KMO: variants seen among roughly 807,000 people sequenced by gnomAD.
The protein encoded by KMO is kynurenine 3-monooxygenase.
A neutral mutation model predicts 57.8 loss-of-function variants in KMO; 24 were observed. That is an observed-to-expected ratio of 0.42 (90% CI 0.30 to 0.58). The LOEUF (loss-of-function observed/expected upper bound fraction) is 0.58, where lower values mean the gene tolerates loss of function less well. Among genes scored for constraint, KMO ranks in the 20% least tolerant of loss-of-function variants. KMO has a pLI of 0.22. For synonymous variants in KMO, 210 were observed against 193.6 expected, an observed-to-expected ratio of 1.08 and a Z score of -0.70; for missense variants, 483 against 588.2, an observed-to-expected ratio of 0.82 and a Z score of 1.85.
chr1:241,533,430 T>C (rs1241332263), intron 1 of KMO, among the ~76,000 whole-genome samples: 1 of 152,252 alleles, frequency 6.6e-6, no homozygotes, highest in East Asian at 1.9e-4. Context: ...GTATATGCTG[T>C]CTTTTGTTCT....
At chr1:241,548,491 G>A (rs1479136713) in intron 1 of KMO, among the ~76,000 whole-genome samples, 1 of 151,490 alleles carries the variant, frequency 6.6e-6, no homozygotes, top group Non-Finnish European at 1.5e-5. Context: ...GGTTATAAGG[G>A]ATATAAGGCT....
Position 241,593,307 on chromosome 1 carries a change from T to C in KMO, c.*1154T>C. The C allele has an allele frequency of 2.5e-6, 1 of 404,306 alleles. No homozygotes were observed. Among genetic ancestry groups the C allele is most frequent in the South Asian group, 1.8e-5 (1 of 54,818 alleles). The allele number at this position is 404,306 out of a possible 1,614,324, so 25.0% of individuals were successfully genotyped here. A position where few individuals can be genotyped will look rare whatever the true frequency, so the allele number is the denominator to read the frequency against. ...ACTGCAGCAGAACCAGCAATACACT[T>C]GATTTTTAAAAGCACATTTAGTGAA... On this transcript the variant is annotated 3_prime_UTR_variant, in exon 15 of 15. Coordinates refer to ENST00000366559, the MANE Select transcript of KMO (RefSeq NM_003679.5).
At chr1:241,578,091 C>T (rs1049699898) in intron 10 of KMO, among the ~76,000 whole-genome samples, 21 of 152,164 alleles carry the variant, frequency 1.4e-4, no homozygotes, top group Admixed American at 1.2e-3. Context: ...GGTGCTCCCT[C>T]ATGTGGGGCG....
chr1:241,594,322 G>T lies in KMO; in HGVS notation c.*2169G>T. 3 of 1,263,002 alleles carry T rather than the reference G, an allele frequency of 2.4e-6. No homozygotes were observed. The highest frequency in any genetic ancestry group is 2.2e-6 in the Non-Finnish European group (2 of 906,046). The allele number at this position is 1,263,002 out of a possible 1,614,324, so 78.2% of individuals were successfully genotyped here. A position where few individuals can be genotyped will look rare whatever the true frequency, so the allele number is the denominator to read the frequency against. On this transcript the variant is annotated 3_prime_UTR_variant, in exon 15 of 15. Transcript: ENST00000366559. ...TTCGGATTTCCTGCTGGACCACAAG[G>T]TTCTGTTGATATTACATAGAACGGG...
At chr1:241,559,443 A>T (rs1296310147) in intron 5 of KMO, among the ~76,000 whole-genome samples, 1 of 11,632 alleles carries the variant, frequency 8.6e-5, no homozygotes, top group Non-Finnish European at 1.5e-4. Context: ...AAAAATAAAC[A>T]TAATTTTTTA....
chr1:241,585,721 T>C (rs190557858), intron 10 of KMO, among the ~76,000 whole-genome samples: 1 of 145,582 alleles, frequency 6.9e-6, no homozygotes, highest in Non-Finnish European at 1.5e-5. Context: ...TGTGCTGCAC[T>C]CCAACCTGAA....
At chr1:241,540,219 G>C (rs1237043760) in intron 1 of KMO, among the ~76,000 whole-genome samples, 2 of 152,144 alleles carry the variant, frequency 1.3e-5, no homozygotes, top group Non-Finnish European at 2.9e-5. Flanking sequence ...TAATTCATTA[G>C]AATTTGTGGT....
rs919527221 is a variant in KMO, at chr1:241,535,075, G to A, written c.54+2577G>A. 2.6e-5 allele frequency among the ~76,000 whole-genome samples: 4 copies of A among 151,856 alleles called. No individual in the cohort carries two copies. The South Asian group carries it at 8.3e-4, about 32-fold the overall frequency. ...TTATGCCTAACATTATGTATTGGGT[G>A]GATGAATAAATGAGAGGAATGAGAA... is the stretch of plus-strand genomic sequence containing the variant. On this transcript the variant is annotated intron_variant, in intron 1 of 14. Coordinates refer to ENST00000366559, the MANE Select transcript of KMO (RefSeq NM_003679.5).
chr1:241,567,438 T>TG (rs990370190), intron 9 of KMO, among the ~76,000 whole-genome samples: 5 of 152,076 alleles, frequency 3.3e-5, no homozygotes, highest in African/African-American at 1.2e-4. Flanking sequence ...ATCCCACTAA[T>TG]GGGGGGTCCA....
chr1:241,551,269 T>C (rs1479354133), intron 4 of KMO, among the ~76,000 whole-genome samples: 1 of 152,220 alleles, frequency 6.6e-6, no homozygotes, highest in African/African-American at 2.4e-5. Context: ...CTGTTACTGC[T>C]CTTATTGTGT....
chr1:241,588,325 T>C (rs184980193), intron 11 of KMO, among the ~76,000 whole-genome samples: 11 of 125,868 alleles, frequency 8.7e-5, no homozygotes, highest in African/African-American at 3.2e-4. Flanking sequence ...CTCATCTTTT[T>C]TTTCTTTTTT....
At chr1:241,588,512 G>C (rs1663109661) in intron 11 of KMO, among the ~76,000 whole-genome samples, 1 of 151,744 alleles carries the variant, frequency 6.6e-6, no homozygotes, top group Admixed American at 6.6e-5. Context: ...GGGCACTAGA[G>C]AACAAAGATA....
chr1:241,586,189 G>GTTTTTTTTTTTT (rs1558431281), intron 10 of KMO, among the ~76,000 whole-genome samples: 1 of 122,692 alleles, frequency 8.2e-6, no homozygotes, highest in African/African-American at 3.0e-5. Flanking sequence ...GAAGTCTATG[G>GTTTTTTTTTTTT]TCTTTTTTTT....
chr1:241,544,042 C>A (rs1252440762), intron 1 of KMO, among the ~76,000 whole-genome samples: 1 of 152,200 alleles, frequency 6.6e-6, no homozygotes, highest in Non-Finnish European at 1.5e-5. Flanking sequence ...AACACAGTCA[C>A]TGAGAGCTTT....
intron 1 of KMO, among the ~76,000 whole-genome samples, chr1:241,544,026 T>C (rs192934013): frequency 6.6e-6 from 1 of 152,340 alleles, no homozygotes; most frequent in Admixed American, 6.5e-5. Flanking sequence ...GAGCTGATCC[T>C]ATTCCAACAC....
chr1:241,546,955 C>A (rs193017023), intron 1 of KMO, among the ~76,000 whole-genome samples: 1 of 152,054 alleles, frequency 6.6e-6, no homozygotes, highest in South Asian at 2.1e-4. Flanking sequence ...TGGCCAGAGA[C>A]GTATGAAGAA....
At chr1:241,570,632 A>C (rs969924952) in intron 10 of KMO, among the ~76,000 whole-genome samples, 1 of 152,012 alleles carries the variant, frequency 6.6e-6, no homozygotes, top group Admixed American at 6.6e-5. Flanking sequence ...ATTCTGTTCC[A>C]TTGGTCAATG....
At chr1:241,572,820 G>A (rs1482488666) in intron 10 of KMO, among the ~76,000 whole-genome samples, 1 of 151,898 alleles carries the variant, frequency 6.6e-6, no homozygotes, top group African/African-American at 2.4e-5. Flanking sequence ...AGTCACCAAA[G>A]CCCATTATAT....
chr1:241,584,605 C>T (rs1456050066), intron 10 of KMO, among the ~76,000 whole-genome samples: 2 of 145,382 alleles, frequency 1.4e-5, no homozygotes, highest in Non-Finnish European at 1.6e-5. Flanking sequence ...AAAGAAATAG[C>T]GTTTAAAAGT....
Sources: allele counts gnomAD v4.1 joint callset (sites outside exome capture counted in the v4.1 genomes callset), GRCh38; gene constraint gnomAD v4.1.1; transcripts MANE v1.5; gene names NCBI Gene and HGNC (gene_info 2026-07-23, HGNC 2026-07-21).